PRICKLE1: variants seen among roughly 807,000 people sequenced by gnomAD.
PRICKLE1 encodes prickle-like protein 1.
Under a neutral mutation model 70.2 loss-of-function variants are expected in PRICKLE1, and 14 were observed. The observed-to-expected ratio is 0.20, with a 90% CI of 0.13 to 0.31. PRICKLE1 has a LOEUF of 0.31. Among genes scored for constraint, PRICKLE1 ranks in the 10% least tolerant of loss-of-function variants. PRICKLE1 has a pLI of 1.00. For synonymous variants in PRICKLE1, 357 were observed against 379.9 expected (o/e 0.94, Z 0.70); for missense variants, 821 against 1,026.2 (o/e 0.80, Z 2.73).
At chr12:42,510,640 TAATC>T (rs1196834286) in intron 1 of PRICKLE1, among the ~76,000 whole-genome samples, 1 of 152,172 alleles carries the variant, frequency 6.6e-6, no homozygotes, top group Non-Finnish European at 1.5e-5. Context: ...CTGGTATAAT[TAATC>T]TTTTTTAATG....
At chr12:42,468,905 A>C (rs1214178096) in intron 4 of PRICKLE1, 76 bp from the exon 5 acceptor site, 1 of 1,421,110 alleles carries the variant, frequency 7.0e-7, no homozygotes, top group African/African-American at 1.4e-5. Context: ...ACTTTAGGAT[A>C]AATCTCGAAT....
At chr12:42,555,460 A>G (rs1231700667) in intron 1 of PRICKLE1, among the ~76,000 whole-genome samples, 1 of 152,212 alleles carries the variant, frequency 6.6e-6, no homozygotes, top group Non-Finnish European at 1.5e-5. Flanking sequence ...CAGTTTAGCA[A>G]TGTTTCTTTT....
At chr12:42,587,700 G>A (rs2120823746) in intron 1 of PRICKLE1, among the ~76,000 whole-genome samples, 1 of 152,306 alleles carries the variant, frequency 6.6e-6, no homozygotes, top group African/African-American at 2.4e-5. Context: ...CCTGTCCCAG[G>A]CCAAGCCTAG....
chr12:42,515,207 T>C (rs1939586679), intron 1 of PRICKLE1, among the ~76,000 whole-genome samples: 2 of 151,622 alleles, frequency 1.3e-5, no homozygotes, highest in Non-Finnish European at 2.9e-5. Context: ...GGCATAGGCA[T>C]GAGCCACCAC....
At chr12:42,503,507 C>G (rs1939353111) in intron 1 of PRICKLE1, among the ~76,000 whole-genome samples, 1 of 152,118 alleles carries the variant, frequency 6.6e-6, no homozygotes, top group Non-Finnish European at 1.5e-5. Context: ...ACTAAAGTAA[C>G]TACTGAGAAA....
chr12:42,505,704 G>A (rs964456093), intron 1 of PRICKLE1, among the ~76,000 whole-genome samples: 2 of 152,144 alleles, frequency 1.3e-5, no homozygotes, highest in African/African-American at 4.8e-5. Flanking sequence ...CCAAAATACT[G>A]GGATTACAGG....
At chr12:42,521,615 C>T (rs751281039) in intron 1 of PRICKLE1, among the ~76,000 whole-genome samples, 3 of 151,778 alleles carry the variant, frequency 2.0e-5, no homozygotes, top group Admixed American at 6.6e-5. Context: ...TCGGGGGGAT[C>T]GCTTAAGCCT....
At position 42,564,213 on chromosome 12, in the gene PRICKLE1, G is replaced by A. The variant is rs1451612375; in HGVS notation, c.-49+25252C>T. Among the ~76,000 whole-genome samples the A allele has an allele frequency of 3.7e-5, 5 of 134,036 alleles. No homozygotes were observed. In the South Asian group the frequency reaches 7.1e-4, roughly 19 times the overall value. The allele number at this position is 134,036 out of a possible 152,430, so 87.9% of individuals were successfully genotyped here. Reference sequence around the variant, plus strand: ...GGAGGTTGCAGTGAGCCAAGATCACGCCACTGCACTCCAGCTTGGCAACAG... The same window carrying A: ...GGAGGTTGCAGTGAGCCAAGATCACACCACTGCACTCCAGCTTGGCAACAG... On this transcript the variant is annotated intron_variant, in intron 1 of 7. Coordinates refer to ENST00000345127, the MANE Select transcript of PRICKLE1 (RefSeq NM_153026.3).
chr12:42,461,282 G>A (rs1937822425), intron 7 of PRICKLE1, among the ~76,000 whole-genome samples: 1 of 152,190 alleles, frequency 6.6e-6, no homozygotes, highest in Non-Finnish European at 1.5e-5. Context: ...ACAGCAGCCT[G>A]TTCATTCATT....
At chr12:42,567,208 C>T (rs1292451643) in intron 1 of PRICKLE1, among the ~76,000 whole-genome samples, 4 of 152,166 alleles carry the variant, frequency 2.6e-5, no homozygotes, top group Admixed American at 2.0e-4. Flanking sequence ...CAAATATTTA[C>T]TGAATACATA....
chr12:42,563,938 T>A (rs1940573557), intron 1 of PRICKLE1, among the ~76,000 whole-genome samples: 1 of 151,896 alleles, frequency 6.6e-6, no homozygotes, highest in Non-Finnish European at 1.5e-5. Context: ...CAAAAAAACT[T>A]ATGCCATCCT....
At chr12:42,529,954 T>TTCCTTCC (rs35695872) in intron 1 of PRICKLE1, among the ~76,000 whole-genome samples, 3 of 120,934 alleles carry the variant, frequency 2.5e-5, no homozygotes, top group Admixed American at 7.7e-5. Context: ...CCTTCCTTCC[T>TTCCTTCC]TTTTTTTTTT....
rs755994241 is a variant in PRICKLE1, at chr12:42,466,357, T to G, written c.612A>C (p.Thr204=). 1.7e-5 allele frequency: 27 copies of G among 1,614,102 alleles called. No homozygotes were observed. In the South Asian group the frequency reaches 3.0e-4, roughly 18 times the overall value. The part of the protein sequence containing the change: ...CDEIIFADEC[T]EAEGRHWHMK... ...TGTGCCAATGGCGACCCTCAGCTTC[T>G]GTGCACTCATCAGCAAAAATTATCT... Residue 204 remains threonine, a synonymous_variant, in exon 6 of 8, where the codon ACA becomes ACC. Coordinates refer to ENST00000345127, the MANE Select transcript of PRICKLE1 (RefSeq NM_153026.3).
intron 1 of PRICKLE1, among the ~76,000 whole-genome samples, chr12:42,473,691 A>G (rs962610646): frequency 6.6e-6 from 1 of 152,190 alleles, no homozygotes; most frequent in African/African-American, 2.4e-5. Context: ...TTTAGAGAAA[A>G]CAAGATTCAG....
chr12:42,514,892 T>TCTATCTAC lies in PRICKLE1; in HGVS notation c.-48-42329_-48-42328insGTAGATAG, dbSNP rs1166000985. On this transcript the variant is annotated intron_variant, in intron 1 of 7. Coordinates refer to ENST00000345127, the MANE Select transcript of PRICKLE1 (RefSeq NM_153026.3). ...CTAACTTTTTTTAAGGCTCGCTCTA[T>TCTATCTAC]CTATCTATCTATCTATCTATCTATC... is the stretch of plus-strand genomic sequence containing the variant. Among the ~76,000 whole-genome samples the TCTATCTAC allele has an allele frequency of 8.1e-5, 4 of 49,098 alleles. No individual in the cohort carries two copies. In the Admixed American group the frequency reaches 9.4e-4, roughly 12 times the overall value. The allele number at this position is 49,098 out of a possible 152,430, so 32.2% of individuals were successfully genotyped here. A position where few individuals can be genotyped will look rare whatever the true frequency, so the allele number is the denominator to read the frequency against.
At position 42,464,662 on chromosome 12, in the gene PRICKLE1, T is replaced by C. The variant is rs769168031; in HGVS notation, c.1372A>G (p.Asn458Asp). Residue 458 changes from asparagine (N) to aspartate (D), a missense_variant, in exon 7 of 8, where the codon AAT becomes GAT. Physicochemically the swap from Asn to Asp is conservative, Grantham distance 23. Coordinates refer to ENST00000345127, the MANE Select transcript of PRICKLE1 (RefSeq NM_153026.3). The surrounding 1 kb of genome is among the most constrained non-coding windows in gnomAD (Gnocchi z 4.2). ...MVKSKTELKQNNQSLASKKYQ... is the reference protein window; with the variant it reads ...MVKSKTELKQDNQSLASKKYQ... ...TTTTTACTTGCAAGGCTCTGGTTAT[T>C]TTGCTTTAACTCGGTCTTACTTTTA... 1.2e-6 allele frequency: 2 copies of C among 1,614,048 alleles called. No homozygotes were observed. Among genetic ancestry groups the C allele is most frequent in the Non-Finnish European group, 1.7e-6 (2 of 1,180,000 alleles).
chr12:42,460,107 T>C lies in PRICKLE1; in HGVS notation c.2198A>G (p.Gln733Arg). Residue 733 changes from glutamine (Q) to arginine (R), a missense_variant, in exon 8 of 8, where the codon CAG (glutamine) becomes CGG (arginine). Physicochemically the swap from Gln to Arg is conservative, Grantham distance 43. Coordinates refer to ENST00000345127, the MANE Select transcript of PRICKLE1 (RefSeq NM_153026.3). ...AYIQNADLYGQYAHATSDYGL... is the reference protein window; with the variant it reads ...AYIQNADLYGRYAHATSDYGL... ...ATAATCGGAAGTGGCATGGGCGTAC[T>C]GTCCGTAGAGATCAGCATTCTGGAT... The C allele has an allele frequency of 1.9e-6, 3 of 1,614,210 alleles. No homozygotes were observed. Among genetic ancestry groups the C allele is most frequent in the Non-Finnish European group, 2.5e-6 (3 of 1,180,046 alleles).
Position 42,460,226 on chromosome 12 carries a change from T to G in PRICKLE1, c.2079A>C (p.Arg693Ser). ...GCAGTCTGTCCTTGGGAGAGTATTT[T>G]CTTTCTGTAACAAGATTCAGGGCAT... The part of the protein sequence containing the change: ...SDNALNLVTE[R>S]KYSPKDRLRL... The change falls in exon 8 of 8, where the codon AGA becomes AGC. Residue 693 changes from arginine (R) to serine (S), a missense_variant. By Grantham distance (110) the Arg-to-Ser change is moderately radical. Coordinates refer to ENST00000345127, the MANE Select transcript of PRICKLE1 (RefSeq NM_153026.3). 2 of 1,614,188 alleles carry G rather than the reference T, an allele frequency of 1.2e-6. No homozygotes were observed. Among genetic ancestry groups the G allele is most frequent in the Non-Finnish European group, 1.7e-6 (2 of 1,180,044 alleles).
chr12:42,481,270 C>T (rs1273716491), intron 1 of PRICKLE1, among the ~76,000 whole-genome samples: 1 of 152,078 alleles, frequency 6.6e-6, no homozygotes. Flanking sequence ...CAAAATCATG[C>T]AAATAGAAAA....
Sources: allele counts gnomAD v4.1 joint callset (sites outside exome capture counted in the v4.1 genomes callset), GRCh38; gene constraint gnomAD v4.1.1; non-coding constraint Gnocchi (gnomAD v3.1); transcripts MANE v1.5; gene names NCBI Gene and HGNC (gene_info 2026-07-23, HGNC 2026-07-21).